Variants in PRORP observed in about 807,000 individuals in gnomAD.
PRORP encodes the protein protein only RNase P catalytic subunit, also known as mitochondrial ribonuclease P catalytic subunit.
A neutral mutation model predicts 59.4 loss-of-function variants in PRORP; 51 were observed. The ratio of observed to expected loss-of-function variants is 0.86; its 90% CI spans 0.69 to 1.08. The LOEUF is 1.08. Among genes scored for constraint, PRORP ranks in the 50% least tolerant of loss-of-function variants. The probability of loss-of-function intolerance (pLI) is 0.00; values close to 1 mark genes in which losing one functional copy is unlikely to be tolerated. For synonymous variants in PRORP, 231 were observed against 245.6 expected (o/e 0.94, Z 0.55); for missense variants, 646 against 690.3 (o/e 0.94, Z 0.72).
intron 4 of PRORP, among the ~76,000 whole-genome samples, chr14:35,171,866 C>T (rs907038753): frequency 5.9e-5 from 9 of 151,998 alleles, no homozygotes; most frequent in Non-Finnish European, 1.2e-4. Flanking sequence ...TTTTGTTGCT[C>T]TGTCTTTCAT....
chr14:35,181,753 C>A (rs1311630101), intron 5 of PRORP, among the ~76,000 whole-genome samples: 2 of 138,102 alleles, frequency 1.4e-5, no homozygotes, highest in Non-Finnish European at 3.0e-5. Context: ...CCATTGCACT[C>A]CAGCCTGGGC....
intron 4 of PRORP, among the ~76,000 whole-genome samples, chr14:35,131,716 A>G (rs1221464218): frequency 1.3e-5 from 2 of 151,542 alleles, no homozygotes; most frequent in Non-Finnish European, 2.9e-5. Flanking sequence ...TTTAGTAGAG[A>G]CAGGGTTTCA....
At chr14:35,174,516 T>C (rs2048395449) in intron 4 of PRORP, among the ~76,000 whole-genome samples, 1 of 152,172 alleles carries the variant, frequency 6.6e-6, no homozygotes, top group Admixed American at 6.5e-5. Context: ...CTGCTAGGCA[T>C]GTAGTAGGTG....
chr14:35,267,735 C>T (rs1166872294), intron 6 of PRORP, among the ~76,000 whole-genome samples: 3 of 151,812 alleles, frequency 2.0e-5, no homozygotes, highest in Admixed American at 1.3e-4. Flanking sequence ...GAGCCGAGAT[C>T]GCGCCACTGC....
Position 35,275,556 on chromosome 14 carries a change from C to A in PRORP, c.*1990C>A, listed in dbSNP as rs531027480. The A allele has an allele frequency of 5.3e-5, 8 of 152,274 alleles. No homozygotes were observed. The highest frequency in any genetic ancestry group is 1.9e-4 in the East Asian group (1 of 5,184). 9.4% of individuals were successfully genotyped at this position (152,274 alleles called of 1,614,324 possible). On this transcript the variant is annotated 3_prime_UTR_variant, in exon 8 of 8. Transcript: ENST00000534898. ...ACTGTGCTTTCAGTGAGCTAAACTTCTTTTTTTAAGTAACTATCATAGTTT... is the reference window on the plus strand; with the variant it reads ...ACTGTGCTTTCAGTGAGCTAAACTTATTTTTTTAAGTAACTATCATAGTTT...
At chr14:35,201,570 TTA>T (rs201737770) in intron 5 of PRORP, among the ~76,000 whole-genome samples, 20 of 9,666 alleles carry the variant, frequency 2.1e-3, no homozygotes, top group African/African-American at 7.4e-3. Flanking sequence ...TGTTTCTTTA[TTA>T]TTTTTTTTTA....
chr14:35,238,580 G>A (rs890140763), intron 5 of PRORP, among the ~76,000 whole-genome samples: 7 of 152,176 alleles, frequency 4.6e-5, no homozygotes, highest in Admixed American at 4.6e-4. Flanking sequence ...TTAAAGGAAT[G>A]AAAGTCTAGG....
At chr14:35,208,756 A>G in intron 5 of PRORP, among the ~76,000 whole-genome samples, 1 of 152,010 alleles carries the variant, frequency 6.6e-6, no homozygotes, top group South Asian at 2.1e-4. Flanking sequence ...CTGTAATCCC[A>G]GTACTTTGGG....
At chr14:35,226,893 C>T (rs2138472644) in intron 5 of PRORP, among the ~76,000 whole-genome samples, 1 of 151,874 alleles carries the variant, frequency 6.6e-6, no homozygotes, top group Non-Finnish European at 1.5e-5. Context: ...CACTAACACA[C>T]CTGGCTAATT....
chr14:35,212,661 G>C (rs966714378), intron 5 of PRORP, among the ~76,000 whole-genome samples: 3 of 152,156 alleles, frequency 2.0e-5, no homozygotes. Context: ...CCATCATCCA[G>C]GCTTTGTTGT....
chr14:35,205,576 C>A (rs1206841205), intron 5 of PRORP, among the ~76,000 whole-genome samples: 1 of 152,144 alleles, frequency 6.6e-6, no homozygotes, highest in African/African-American at 2.4e-5. Context: ...CCCACCTTGG[C>A]CTTCCATAGT....
At chr14:35,178,192 TGTG>T (rs1196424242) in intron 4 of PRORP, among the ~76,000 whole-genome samples, 1 of 152,180 alleles carries the variant, frequency 6.6e-6, no homozygotes, top group African/African-American at 2.4e-5. Flanking sequence ...ATAAATGCGA[TGTG>T]GTGCTGAGAA....
chr14:35,151,068 T>G lies in PRORP; in HGVS notation c.1167+23457T>G, dbSNP rs189655931. On this transcript the variant is annotated intron_variant, in intron 4 of 7. Transcript: ENST00000534898. ...GGAAACCAAGCCATTTTTAAATTAA[T>G]TTTTATTTATGGGAAAAGTGTTGTG... 5.9e-4 allele frequency among the ~76,000 whole-genome samples: 90 copies of G among 152,260 alleles called. No individual in the cohort carries two copies. In the East Asian group the frequency reaches 0.015, roughly 25 times the overall value.
chr14:35,240,366 T>C lies in PRORP; in HGVS notation c.1276-26361T>C, dbSNP rs1171543434. Among the ~76,000 whole-genome samples, 6 of 142,976 alleles carry C rather than the reference T, an allele frequency of 4.2e-5. No individual in the cohort carries two copies. In the South Asian group the frequency reaches 1.2e-3, roughly 28 times the overall value. The allele number at this position is 142,976 out of a possible 152,430, so 93.8% of individuals were successfully genotyped here. A position where few individuals can be genotyped will look rare whatever the true frequency, so the allele number is the denominator to read the frequency against. ...CTTGATCTTTGTTTGTTTACGCCCA[T>C]CCATAGCTACATGTGTATGCACACA... On this transcript the variant is annotated intron_variant, in intron 5 of 7. Coordinates refer to ENST00000534898, the MANE Select transcript of PRORP (RefSeq NM_014672.4).
chr14:35,240,957 G>A (rs1187466111), intron 5 of PRORP, among the ~76,000 whole-genome samples: 1 of 152,130 alleles, frequency 6.6e-6, no homozygotes, highest in African/African-American at 2.4e-5. Flanking sequence ...AAAAAATTGT[G>A]TCTGTACTAA....
At chr14:35,247,456 TG>T (rs930394715) in intron 5 of PRORP, among the ~76,000 whole-genome samples, 2 of 152,180 alleles carry the variant, frequency 1.3e-5, no homozygotes, top group Admixed American at 1.3e-4. Flanking sequence ...TACAACTGTG[TG>T]GGGCTTTGTA....
intron 4 of PRORP, among the ~76,000 whole-genome samples, chr14:35,140,207 T>C (rs1191120423): frequency 7.5e-6 from 1 of 134,064 alleles, no homozygotes; most frequent in African/African-American, 2.6e-5. Flanking sequence ...GGTTTGGTCT[T>C]ATGGTAGATG....
At chr14:35,152,731 G>A (rs1276486918) in intron 4 of PRORP, among the ~76,000 whole-genome samples, 3 of 150,738 alleles carry the variant, frequency 2.0e-5, no homozygotes, top group Non-Finnish European at 3.0e-5. Flanking sequence ...GCCGGGCAGA[G>A]ACGCTCCTCA....
intron 5 of PRORP, among the ~76,000 whole-genome samples, chr14:35,259,446 T>G (rs1226272693): frequency 1.3e-5 from 2 of 152,210 alleles, no homozygotes; most frequent in Non-Finnish European, 2.9e-5. Context: ...TTTTTATACC[T>G]CATACTGTTA....
Sources: gnomAD v4.1 joint callset for allele counts (sites outside exome capture counted in the v4.1 genomes callset) on GRCh38, gnomAD v4.1.1 for gene constraint, MANE v1.5 for transcripts, NCBI Gene and HGNC (gene_info 2026-07-23, HGNC 2026-07-21) for gene names.